Variants in RYR2 observed in about 807,000 individuals in gnomAD.
RYR2 encodes the protein cardiac muscle ryanodine receptor-calcium release channel.
A neutral mutation model predicts 601.1 loss-of-function variants in RYR2; 227 were observed. The ratio of observed to expected loss-of-function variants is 0.38; its 90% CI spans 0.34 to 0.42. The LOEUF is 0.42. Among genes scored for constraint, RYR2 ranks in the 10% least tolerant of loss-of-function variants. The pLI is 1.00. For synonymous variants in RYR2, 2,223 were observed against 2,175.1 expected (o/e 1.02, Z -0.61); for missense variants, 4,646 against 6,156.5 (o/e 0.75, Z 8.21).
At chr1:237,480,220 A>G (rs1045027452) in intron 17 of RYR2, among the ~76,000 whole-genome samples, 1 of 151,912 alleles carries the variant, frequency 6.6e-6, no homozygotes, top group African/African-American at 2.4e-5. Context: ...GGAGTTTGAG[A>G]CCGTCCTGGC....
intron 81 of RYR2, 39 bp from the exon 82 acceptor site, chr1:237,757,658 G>A (rs565490918): frequency 1.6e-5 from 21 of 1,340,460 alleles, no homozygotes; most frequent in Admixed American, 3.4e-5. Context: ...TATAGAAGGC[G>A]AAATGATATA....
intron 1 of RYR2, among the ~76,000 whole-genome samples, chr1:237,056,589 G>GTCTGCAGC (rs1662119585): frequency 6.7e-6 from 1 of 148,584 alleles, no homozygotes; most frequent in Non-Finnish European, 1.5e-5. Context: ...CACCTGTGAG[G>GTCTGCAGC]ACTGCAGCAC....
intron 2 of RYR2, among the ~76,000 whole-genome samples, chr1:237,280,903 G>A (rs1690791391): frequency 6.6e-6 from 1 of 151,710 alleles, no homozygotes; most frequent in Admixed American, 6.6e-5. Flanking sequence ...TCCTGCCTCA[G>A]CCTCCTGAGT....
In RYR2 at chr1:237,769,536, T is replaced by C. The variant is rs1444405039; in HGVS notation, c.11477-1271T>C. Among the ~76,000 whole-genome samples, 4 of 152,170 alleles carry C rather than the reference T, an allele frequency of 2.6e-5. No homozygotes were observed. The East Asian group carries it at 7.7e-4, about 29-fold the overall frequency. On this transcript the variant is annotated intron_variant, in intron 84 of 104. Coordinates refer to ENST00000366574, the MANE Select transcript of RYR2 (RefSeq NM_001035.3). ...GATTTTATGTACTTTTTTTAATGTT[T>C]ATATTAGTTTTCAAAATGGTTTTGC...
intron 1 of RYR2, among the ~76,000 whole-genome samples, chr1:237,209,319 T>G (rs946793981): frequency 6.6e-6 from 1 of 151,938 alleles, no homozygotes; most frequent in African/African-American, 2.4e-5. Flanking sequence ...ATACATATAT[T>G]TAGATATATC....
At chr1:237,546,976 C>CATATAT (rs558814390) in intron 25 of RYR2, among the ~76,000 whole-genome samples, 30 of 97,492 alleles carry the variant, frequency 3.1e-4, no homozygotes, top group East Asian at 7.8e-4. Flanking sequence ...TTTTCAAAAG[C>CATATAT]ATATATATAT....
chr1:237,243,426 T>G (rs532005453), intron 1 of RYR2, among the ~76,000 whole-genome samples: 3 of 152,276 alleles, frequency 2.0e-5, no homozygotes, highest in South Asian at 2.1e-4. Context: ...ACGGGCTTAT[T>G]ATAAAGACTC....
rs876661388 is a variant in RYR2, at chr1:237,657,944, T to C, written c.8130T>C (p.Asn2710=). The C allele has an allele frequency of 4.1e-6, 6 of 1,479,888 alleles. No homozygotes were observed. The South Asian group carries it at 6.6e-5, about 16-fold the overall frequency. The allele number at this position is 1,479,888 out of a possible 1,614,324, so 91.7% of individuals were successfully genotyped here. A position where few individuals can be genotyped will look rare whatever the true frequency, so the allele number is the denominator to read the frequency against. ...NFNPQPVDTS[N]ITIPEKLEYF... ...TCTTTTGTCTTTACTTTTCTCATAG[T>C]ATTACAATTCCTGAGAAATTGGAAT... The change falls in exon 54 of 105, where the codon AAT becomes AAC. Residue 2710 remains asparagine, a splice_region_variant and synonymous_variant. Transcript: ENST00000366574.
intron 2 of RYR2, 99 bp from the exon 3 acceptor site, chr1:237,330,779 T>TA: frequency 1.2e-6 from 1 of 848,124 alleles, no homozygotes; most frequent in Non-Finnish European, 2.0e-6. Context: ...AGTTGACAAA[T>TA]ACTGTTTCTA....
intron 103 of RYR2, 57 bp downstream of exon 103, chr1:237,830,687 C>A: frequency 1.2e-6 from 1 of 825,158 alleles, no homozygotes; most frequent in Non-Finnish European, 2.0e-6. Flanking sequence ...CTGGTCCCTG[C>A]CCATCTCAGA....
chr1:237,131,947 C>T (rs1672216833), intron 1 of RYR2, among the ~76,000 whole-genome samples: 1 of 152,122 alleles, frequency 6.6e-6, no homozygotes, highest in African/African-American at 2.4e-5. Context: ...TGGTCTCAAA[C>T]TCCTGGGCCC....
chr1:237,507,627 T>C lies in RYR2; in HGVS notation c.2718+813T>C, dbSNP rs75784461. On this transcript the variant is annotated intron_variant, in intron 23 of 104. Coordinates refer to ENST00000366574, the MANE Select transcript of RYR2 (RefSeq NM_001035.3). Reference sequence around the variant, plus strand: ...CACACTACTCAGTAATATTTATATATTTATTCAGTGTTTTGCATTCTTGCA... The same window carrying C: ...CACACTACTCAGTAATATTTATATACTTATTCAGTGTTTTGCATTCTTGCA... Among the ~76,000 whole-genome samples, 1,233 of 152,378 alleles carry C rather than the reference T, an allele frequency of 8.1e-3. 23 individuals carry two copies. Among genetic ancestry groups the C allele is most frequent in the East Asian group, 0.047 (246 of 5,180 alleles).
chr1:237,279,757 C>A (rs1371811363), intron 2 of RYR2, among the ~76,000 whole-genome samples: 1 of 152,108 alleles, frequency 6.6e-6, no homozygotes, highest in East Asian at 1.9e-4. Flanking sequence ...ACAAAAGGGA[C>A]ATTCATTAAA....
Position 237,137,635 on chromosome 1 carries a change from C to G in RYR2, c.48+95066C>G, listed in dbSNP as rs577096755. On this transcript the variant is annotated intron_variant, in intron 1 of 104. Transcript: ENST00000366574. ...AAAGCAGTGCTTCTGTTTATCTGTA[C>G]AGATAAGATGTGCGACGTGGCATCC... Among the ~76,000 whole-genome samples, 13 of 152,282 alleles carry G rather than the reference C, an allele frequency of 8.5e-5. No individual in the cohort carries two copies. In the South Asian group the frequency reaches 2.1e-3, roughly 24 times the overall value.
At chr1:237,240,674 A>C (rs1312211646) in intron 1 of RYR2, among the ~76,000 whole-genome samples, 5 of 148,472 alleles carry the variant, frequency 3.4e-5, no homozygotes, top group African/African-American at 9.8e-5. Flanking sequence ...CCAAAAAAAA[A>C]AAAAAAAAAA....
At chr1:237,653,280 G>C (rs938079336) in intron 51 of RYR2, among the ~76,000 whole-genome samples, 5 of 152,190 alleles carry the variant, frequency 3.3e-5, no homozygotes, top group African/African-American at 7.2e-5. Flanking sequence ...AGTAAGTTTT[G>C]TGGCAAGCCA....
chr1:237,194,624 C>A (rs1378782752), intron 1 of RYR2, among the ~76,000 whole-genome samples: 1 of 152,190 alleles, frequency 6.6e-6, no homozygotes, highest in Admixed American at 6.5e-5. Context: ...AATGTAGACT[C>A]TGACCCTGAC....
chr1:237,146,969 A>T (rs938335063), intron 1 of RYR2, among the ~76,000 whole-genome samples: 6 of 152,186 alleles, frequency 3.9e-5, no homozygotes, highest in African/African-American at 9.7e-5. Flanking sequence ...CCTTAATTTT[A>T]TACCAGCTTT....
intron 2 of RYR2, among the ~76,000 whole-genome samples, chr1:237,308,322 A>G (rs10925368): frequency 0.46 from 69,223 of 151,956 alleles, 16,714 homozygotes; most frequent in African/African-American, 0.61. Context: ...TAGGGTGGAC[A>G]CGTTCCTCCT....
Sources: allele counts gnomAD v4.1 joint callset (sites outside exome capture counted in the v4.1 genomes callset), GRCh38; gene constraint gnomAD v4.1.1; transcripts MANE v1.5; gene names NCBI Gene and HGNC (gene_info 2026-07-23, HGNC 2026-07-21).